The following DNAH17 variants were observed in gnomAD, a reference collection of about 807,000 sequenced individuals.
DNAH17 encodes axonemal beta dynein heavy chain 17.
A neutral mutation model predicts 485.6 loss-of-function variants in DNAH17; 376 were observed. The ratio of observed to expected loss-of-function variants is 0.77; its 90% CI spans 0.71 to 0.84. DNAH17 has a LOEUF of 0.84. Ranked by LOEUF, DNAH17 falls within the 40% of genes least tolerant of loss-of-function variation. The pLI, the probability that DNAH17 is intolerant of heterozygous loss-of-function variation, is 0.00. For synonymous variants in DNAH17, 3,031 were observed against 2,405.9 expected (o/e 1.26, Z -7.60); for missense variants, 6,370 against 5,839.3 (o/e 1.09, Z -2.96).
At chr17:78,464,638 G>A (rs2088323280) in intron 56 of DNAH17, among the ~76,000 whole-genome samples, 1 of 152,246 alleles carries the variant, frequency 6.6e-6, no homozygotes. Flanking sequence ...ACAAGGCAAT[G>A]GTGTGTGCCC....
chr17:78,529,293 G>T (rs777034297), intron 22 of DNAH17, among the ~76,000 whole-genome samples, 179 bp downstream of exon 22: 1 of 152,070 alleles, frequency 6.6e-6, no homozygotes. Flanking sequence ...CAGTCCCCAG[G>T]GTCTCCTGTC....
intron 37 of DNAH17, among the ~76,000 whole-genome samples, chr17:78,496,393 G>A (rs2090070979): frequency 7.0e-6 from 1 of 143,004 alleles, no homozygotes; most frequent in Admixed American, 7.4e-5. Flanking sequence ...GCAATTCTGT[G>A]TACTCTCTGC....
chr17:78,447,777 T>G (rs1292010491), intron 69 of DNAH17, among the ~76,000 whole-genome samples: 1 of 152,172 alleles, frequency 6.6e-6, no homozygotes, highest in Non-Finnish European at 1.5e-5. Context: ...AAGTTTGAGT[T>G]TGAATTGAAA....
chr17:78,455,288 G>C lies in DNAH17; in HGVS notation c.10170+356C>G, dbSNP rs1397274228. ...GGTGCCATGTGGCTGGTTCTGCCCT[G>C]CTGGGACCTCCCCACATTTCCCGAG... On this transcript the variant is annotated intron_variant, in intron 63 of 80. Transcript: ENST00000389840. 2.0e-5 allele frequency among the ~76,000 whole-genome samples: 3 copies of C among 151,874 alleles called. No homozygotes were observed. The East Asian group carries it at 5.8e-4, about 29-fold the overall frequency.
rs762976252 is a variant in DNAH17, at chr17:78,502,312, T to G, written c.5190+279A>C. 1.2e-3 allele frequency: 323 copies of G among 279,178 alleles called. 1 individual carries two copies. Among genetic ancestry groups the G allele is most frequent in the African/African-American group, 5.5e-3 (244 of 44,536 alleles). The allele number at this position is 279,178 out of a possible 1,614,324, so 17.3% of individuals were successfully genotyped here. On this transcript the variant is annotated intron_variant, in intron 33 of 80. Transcript: ENST00000389840. ...GTTTCCATATTTCTAACCAAGGACATTTTTTTTTTAAAGACTCTCAGTAGC... is the reference window on the plus strand; with the variant it reads ...GTTTCCATATTTCTAACCAAGGACAGTTTTTTTTTAAAGACTCTCAGTAGC...
In DNAH17 at chr17:78,539,852, G is replaced by GC; in HGVS notation, c.2560_2561insG (p.Thr854SerfsTer14). ...ATAATCCTTCCAGGGCAGGCTCAGT[G>GC]TGTCTGCCCTGAATAGTTCTGCGTT... On this transcript the variant is annotated frameshift_variant, in exon 18 of 81. Transcript: ENST00000389840. LOFTEE classifies it high-confidence loss of function. The GC allele has an allele frequency of 6.2e-7, 1 of 1,607,480 alleles. No homozygotes were observed. The highest frequency in any genetic ancestry group is 1.7e-5 in the Admixed American group (1 of 58,550).
At chr17:78,495,834 C>T in intron 38 of DNAH17, 41 bp downstream of exon 38, 1 of 1,594,692 alleles carries the variant, frequency 6.3e-7, no homozygotes, top group South Asian at 1.1e-5. Context: ...TGTGGCCGGC[C>T]TGGCTCACTG....
rs750868092 is a variant in DNAH17 at position 78,491,494 on chromosome 17, G to A, written c.6618C>T (p.Asp2206=). The change falls in exon 43 of 81, where the codon GAC becomes GAT. Residue 2206 remains aspartate, a synonymous_variant. Transcript: ENST00000389840. The stretch of plus-strand genomic sequence containing the variant: ...GAGACTCGATCCACATGGGGTCTAT[G>A]TCTCCGTCAAGGATGATCCACTTGG... ...DGPKWIILDG[D]IDPMWIESLN... is the part of the protein sequence containing the mutation. 9 of 1,613,600 alleles carry A rather than the reference G, an allele frequency of 5.6e-6. No individual in the cohort carries two copies. In the African/African-American group the frequency reaches 1.1e-4, roughly 19 times the overall value.
chr17:78,572,919 C>A, intron 2 of DNAH17, 25 bp from the exon 3 acceptor site: 1 of 1,603,520 alleles, frequency 6.2e-7, no homozygotes, highest in East Asian at 2.2e-5. Context: ...TTCTGTGGTT[C>A]CGCCCCCTGT....
chr17:78,480,649 G>GGC, intron 49 of DNAH17, 35 bp downstream of exon 49: 1 of 1,561,354 alleles, frequency 6.4e-7, no homozygotes, highest in Non-Finnish European at 8.8e-7. Flanking sequence ...TCAGACTCAT[G>GGC]GCAGGTGACG....
Position 78,478,557 on chromosome 17 carries a change from CCAT to C in DNAH17, c.7992+465_7992+467del, listed in dbSNP as rs541565882. 1.1e-4 allele frequency among the ~76,000 whole-genome samples: 17 copies of C among 151,506 alleles called. 1 individual carries two copies. In the South Asian group the frequency reaches 1.9e-3, roughly 17 times the overall value. On this transcript the variant is annotated intron_variant, in intron 51 of 80. Transcript: ENST00000389840. ...ATCATCACCACCATCATGACAATCA[CCAT>C]CATCATGACCATCACCATTACCACC...
chr17:78,549,833 C>T (rs1256017285), intron 16 of DNAH17, among the ~76,000 whole-genome samples: 2 of 152,204 alleles, frequency 1.3e-5, no homozygotes, highest in East Asian at 3.9e-4. Flanking sequence ...GCAGCCAACC[C>T]TCTGAGACCC....
intron 80 of DNAH17, 50 bp downstream of exon 80, chr17:78,425,296 A>C: frequency 9.0e-6 from 14 of 1,562,442 alleles, no homozygotes; most frequent in Non-Finnish European, 1.2e-5. Flanking sequence ...TGTCTTGGCA[A>C]GTAGCACTGG....
At chr17:78,525,230 G>A (rs965213054) in intron 24 of DNAH17, 69 bp from the exon 25 acceptor site, 62 of 1,557,432 alleles carry the variant, frequency 4.0e-5, no homozygotes, top group South Asian at 7.0e-5. Flanking sequence ...ACTCCCCGAC[G>A]TTCTGCCCGT....
chr17:78,545,912 T>C (rs16971520), intron 16 of DNAH17, among the ~76,000 whole-genome samples: 18,220 of 152,206 alleles, frequency 0.12, 1,339 homozygotes, highest in East Asian at 0.21. Context: ...CTGATTAATA[T>C]TTTATGTGTA....
chr17:78,490,497 T>C lies in DNAH17; in HGVS notation c.6818+202A>G, dbSNP rs677280. Among the ~76,000 whole-genome samples, 50,866 of 152,214 alleles carry C rather than the reference T, an allele frequency of 0.33. 10,083 individuals carry two copies. Among genetic ancestry groups the C allele is most frequent in the African/African-American group, 0.55 (22,699 of 41,520 alleles). On this transcript the variant is annotated intron_variant, in intron 44 of 80. Transcript: ENST00000389840. ...TTGTGCAAACATCCGTTTGCTCAGC[T>C]GCCCTGCCTCGTGTCACTGTGAATT...
chr17:78,501,358 C>G lies in DNAH17; in HGVS notation c.5323-14G>C. The G allele has an allele frequency of 6.3e-7, 1 of 1,578,438 alleles. No homozygotes were observed. The highest frequency in any genetic ancestry group is 8.7e-7 in the Non-Finnish European group (1 of 1,154,144). On this transcript the variant is annotated splice_polypyrimidine_tract_variant and intron_variant, in intron 34 of 80. Transcript: ENST00000389840. Reference sequence around the variant, plus strand: ...AGAACTCTCCACCTGCAGGATGAGCCGGAGCTCTTGTTGCCAGGTGGAATA... The same window carrying G: ...AGAACTCTCCACCTGCAGGATGAGCGGGAGCTCTTGTTGCCAGGTGGAATA...
At chr17:78,562,598 G>C (rs1353766254) in intron 11 of DNAH17, among the ~76,000 whole-genome samples, 1 of 152,020 alleles carries the variant, frequency 6.6e-6, no homozygotes, top group Admixed American at 6.5e-5. Flanking sequence ...CCCCAGCCTG[G>C]GCAACAGAGC....
intron 68 of DNAH17, 47 bp from the exon 69 acceptor site, chr17:78,449,631 C>A: frequency 6.5e-7 from 1 of 1,541,122 alleles, no homozygotes; most frequent in African/African-American, 1.4e-5. Context: ...GAGATGGAGC[C>A]CTTCACCACT....
Sources: gnomAD v4.1 joint callset for allele counts (sites outside exome capture counted in the v4.1 genomes callset) on GRCh38, gnomAD v4.1.1 for gene constraint, MANE v1.5 for transcripts, NCBI Gene and HGNC (gene_info 2026-07-23, HGNC 2026-07-21) for gene names.